The following EPB41 variants were observed in gnomAD, a reference collection of about 807,000 sequenced individuals.
EPB41 encodes the protein protein 4.1.
EPB41 carries 65 observed loss-of-function variants against 108.0 expected under a neutral mutation model. That is an observed-to-expected ratio of 0.60 (90% CI 0.49 to 0.74). The LOEUF is 0.74. Among genes scored for constraint, EPB41 ranks in the 30% least tolerant of loss-of-function variants. The probability of loss-of-function intolerance (pLI) is 0.00; values close to 1 mark genes in which losing one functional copy is unlikely to be tolerated. For synonymous variants in EPB41, 336 were observed against 358.9 expected, an observed-to-expected ratio of 0.94 and a Z score of 0.72; for missense variants, 875 against 1,037.0, an observed-to-expected ratio of 0.84 and a Z score of 2.15.
chr1:29,045,712 C>G (rs911390199), intron 11 of EPB41, among the ~76,000 whole-genome samples: 2 of 149,510 alleles, frequency 1.3e-5, no homozygotes, highest in African/African-American at 2.5e-5. Context: ...GTGCCTCATG[C>G]CTATAATCCC....
chr1:29,057,390 A>G (rs1200026785), intron 12 of EPB41, among the ~76,000 whole-genome samples: 4 of 150,608 alleles, frequency 2.7e-5, no homozygotes, highest in South Asian at 4.2e-4. Flanking sequence ...AAAAAAAAAA[A>G]AAAAAAGAAA....
At chr1:28,943,840 A>T (rs1034838138) in intron 1 of EPB41, among the ~76,000 whole-genome samples, 1 of 152,174 alleles carries the variant, frequency 6.6e-6, no homozygotes, top group Non-Finnish European at 1.5e-5. Context: ...CTGCCATATG[A>T]TCTAGTGATC....
At position 29,115,822 on chromosome 1, in the gene EPB41, G is replaced by A. The variant is rs1326771716; in HGVS notation, c.*6+19G>A. 1 of 1,593,058 alleles carries A rather than the reference G, an allele frequency of 6.3e-7. No homozygotes were observed. Among genetic ancestry groups the A allele is most frequent in the African/African-American group, 1.3e-5 (1 of 74,570 alleles). On this transcript the variant is annotated intron_variant, in intron 20 of 20. Transcript: ENST00000343067. This position sits in a 1 kb window ranked among gnomAD's most constrained non-coding sequence, Gnocchi z 4.4. ...AGCTCAGGTACTGGGCGTTCCTGCT[G>A]GGGCTGAGGGTGCCCACAGTCCCAG... is the stretch of plus-strand genomic sequence containing the variant.
At chr1:29,020,886 C>T (rs2096635800) in intron 7 of EPB41, among the ~76,000 whole-genome samples, 1 of 152,034 alleles carries the variant, frequency 6.6e-6, no homozygotes, top group African/African-American at 2.4e-5. Flanking sequence ...TCTCAAACTT[C>T]CAGCCTCAAG....
chr1:28,975,512 G>A (rs2095582901), intron 1 of EPB41, among the ~76,000 whole-genome samples: 1 of 152,050 alleles, frequency 6.6e-6, no homozygotes, highest in Non-Finnish European at 1.5e-5. Context: ...TCTGTCTCTA[G>A]CCTCTTCTGC....
In EPB41 at chr1:28,934,008, T is replaced by G. The variant is rs576696959; in HGVS notation, c.-8+19240T>G. Among the ~76,000 whole-genome samples, 24 of 152,360 alleles carry G rather than the reference T, an allele frequency of 1.6e-4. No homozygotes were observed. The East Asian group carries it at 4.4e-3, about 28-fold the overall frequency. Reference sequence around the variant, plus strand: ...TCCTCAGGTTTTTTTCCTAATGTCTTTTTCCTGTTCCTGAATACCATCCAG... The same window carrying G: ...TCCTCAGGTTTTTTTCCTAATGTCTGTTTCCTGTTCCTGAATACCATCCAG... On this transcript the variant is annotated intron_variant, in intron 1 of 20. Transcript: ENST00000343067.
Position 29,066,992 on chromosome 1 carries a change from A to T in EPB41, c.2184+1834A>T, listed in dbSNP as rs541197172. Among the ~76,000 whole-genome samples, 837 of 148,914 alleles carry T rather than the reference A, an allele frequency of 5.6e-3. 11 individuals carry two copies. The highest frequency in any genetic ancestry group is 0.015 in the African/African-American group (615 of 40,310). On this transcript the variant is annotated intron_variant, in intron 16 of 20. Coordinates refer to ENST00000343067, the MANE Select transcript of EPB41 (RefSeq NM_001376013.1). ...GCCCAGCTAAAACTTTTTTTTTTTTAAATTTTCAGAATTTATGGTAAACTA... is the reference window on the plus strand; with the variant it reads ...GCCCAGCTAAAACTTTTTTTTTTTTTAATTTTCAGAATTTATGGTAAACTA...
chr1:28,993,624 G>A (rs1022990114), intron 3 of EPB41, 82 bp downstream of exon 3: 16 of 1,204,524 alleles, frequency 1.3e-5, no homozygotes, highest in Non-Finnish European at 1.8e-5. Context: ...TTTTGCCCAC[G>A]ATAAGACTCA....
intron 16 of EPB41, chr1:29,066,038 C>T (rs1347347355): frequency 6.7e-6 from 1 of 150,048 alleles, no homozygotes; most frequent in African/African-American, 2.5e-5. Flanking sequence ...ACTTTTAATA[C>T]ACTGTTTTGT....
In EPB41 at chr1:29,053,247, G is replaced by T; in HGVS notation, c.1780G>T (p.Ala594Ser). 1 of 1,614,176 alleles carries T rather than the reference G, an allele frequency of 6.2e-7. No individual in the cohort carries two copies. Among genetic ancestry groups the T allele is most frequent in the Non-Finnish European group, 8.5e-7 (1 of 1,180,050 alleles). Residue 594 changes from alanine to serine, a missense_variant, in exon 12 of 21, where the codon GCT (alanine) becomes TCT (serine). Transcript: ENST00000343067. ...VPKAQKETVK[A>S]EVKKEDEPPE... ...TAAAGCACAGAAGGAAACAGTGAAG[G>T]CTGAAGTGAAAAAGGAAGACGAGCC...
chr1:29,085,177 T>G (rs1220215934), intron 16 of EPB41, among the ~76,000 whole-genome samples: 3 of 137,852 alleles, frequency 2.2e-5, no homozygotes, highest in African/African-American at 8.1e-5. Flanking sequence ...GGAGTCTCAC[T>G]CAGTTGCCAG....
At chr1:28,948,660 A>G (rs1377113156) in intron 1 of EPB41, among the ~76,000 whole-genome samples, 1 of 151,960 alleles carries the variant, frequency 6.6e-6, no homozygotes, top group African/African-American at 2.4e-5. Flanking sequence ...CATTAAAAAG[A>G]ATTTATGAGC....
intron 1 of EPB41, among the ~76,000 whole-genome samples, chr1:28,925,710 G>T (rs930863165): frequency 5.9e-5 from 9 of 152,118 alleles, no homozygotes; most frequent in African/African-American, 2.2e-4. Flanking sequence ...CCAGCATGTT[G>T]GGTCAAAATG....
At chr1:28,943,155 A>C (rs1358258470) in intron 1 of EPB41, among the ~76,000 whole-genome samples, 2 of 152,238 alleles carry the variant, frequency 1.3e-5, no homozygotes, top group African/African-American at 4.8e-5. Flanking sequence ...CCAGTGAAAC[A>C]AGCAAAATAT....
upstream of EPB41, among the ~76,000 whole-genome samples, chr1:28,914,343 T>C (rs1405478885): frequency 6.6e-6 from 1 of 152,204 alleles, no homozygotes; most frequent in Non-Finnish European, 1.5e-5. Flanking sequence ...CCTTGCCTTT[T>C]CCTCTCTCTT....
chr1:28,947,366 C>T (rs1053307140), intron 1 of EPB41, among the ~76,000 whole-genome samples: 1 of 151,854 alleles, frequency 6.6e-6, no homozygotes, highest in African/African-American at 2.4e-5. Flanking sequence ...GGAGATCGCA[C>T]CACTGCACTC....
chr1:28,947,405 TCAGACAAACAAACAAA>T lies in EPB41; in HGVS notation c.-8+32640_-8+32655del, dbSNP rs1411828265. On this transcript the variant is annotated intron_variant, in intron 1 of 20. Transcript: ENST00000343067. The stretch of plus-strand genomic sequence containing the variant: ...TCTGGCGACGGAGCGAGACTCCGTC[TCAGACAAACAAACAAA>T]CAAACAAACAAACAAACAAACAAAC... 6.1e-5 allele frequency among the ~76,000 whole-genome samples: 7 copies of T among 114,564 alleles called. No homozygotes were observed. The Admixed American group carries it at 7.5e-4, about 12-fold the overall frequency. The allele number at this position is 114,564 out of a possible 152,430, so 75.2% of individuals were successfully genotyped here. A position where few individuals can be genotyped will look rare whatever the true frequency, so the allele number is the denominator to read the frequency against.
rs1260859866 is a variant in EPB41 at position 29,109,424 on chromosome 1, C to G, written c.2402C>G (p.Thr801Ser). The G allele has an allele frequency of 6.2e-7, 1 of 1,614,100 alleles. No homozygotes were observed. Among genetic ancestry groups the G allele is most frequent in the South Asian group, 1.1e-5 (1 of 91,082 alleles). The change falls in exon 18 of 21, where the codon ACT (threonine) becomes AGT (serine). Residue 801 changes from threonine (T) to serine (S), a missense_variant. Thr to Ser is a moderately conservative substitution (Grantham distance 58, BLOSUM62 1). Transcript: ENST00000343067. Reference sequence around the variant, plus strand: ...GAGACCCCAAGCAGCACCACCACAACTCAAATTACCAAGGTAACAGACCAG... The same window carrying G: ...GAGACCCCAAGCAGCACCACCACAAGTCAAATTACCAAGGTAACAGACCAG... Reference protein sequence around the residue: ...TSETPSSTTTTQITKTVKGGI... With the variant: ...TSETPSSTTTSQITKTVKGGI...
At chr1:29,078,528 G>A (rs1323825863) in intron 16 of EPB41, among the ~76,000 whole-genome samples, 3 of 152,072 alleles carry the variant, frequency 2.0e-5, no homozygotes, top group Non-Finnish European at 2.9e-5. Context: ...GGAGGCTGAG[G>A]CAGGAGGATC....
Sources: allele counts gnomAD v4.1 joint callset (sites outside exome capture counted in the v4.1 genomes callset), GRCh38; gene constraint gnomAD v4.1.1; non-coding constraint Gnocchi (gnomAD v3.1); transcripts MANE v1.5; gene names NCBI Gene and HGNC (gene_info 2026-07-23, HGNC 2026-07-21).